Variants in HS6ST2 observed in about 807,000 individuals in gnomAD.
HS6ST2 encodes heparan sulfate 6-O-sulfotransferase 2, also known as heparan-sulfate 6-O-sulfotransferase 2.
In HS6ST2, 17 loss-of-function variants were observed where a neutral mutation model predicts 33.0. The ratio of observed to expected loss-of-function variants is 0.52; its 90% CI spans 0.35 to 0.77. The LOEUF is 0.77. Among genes scored for constraint, HS6ST2 ranks in the 30% least tolerant of loss-of-function variants. The pLI is 0.01. For synonymous variants in HS6ST2, 248 were observed against 237.1 expected (o/e 1.05, Z -0.42); for missense variants, 519 against 551.7 (o/e 0.94, Z 0.59).
intron 2 of HS6ST2, among the ~76,000 whole-genome samples, chrX:132,758,072 C>G (rs1371798773): frequency 1.8e-5 from 2 of 112,068 alleles, no homozygotes; most frequent in African/African-American, 3.2e-5. Context: ...TAATAAAACC[C>G]AAAGATGGGT....
intron 2 of HS6ST2, among the ~76,000 whole-genome samples, chrX:132,756,721 C>A (rs1266048399): frequency 9.0e-6 from 1 of 110,572 alleles, no homozygotes; most frequent in Non-Finnish European, 1.9e-5. Flanking sequence ...ACTGTGATCT[C>A]GCTTTCTTTA....
At chrX:132,749,790 G>T (rs186870354) in intron 2 of HS6ST2, among the ~76,000 whole-genome samples, 11 of 111,389 alleles carry the variant, frequency 9.9e-5, no homozygotes, top group Admixed American at 9.5e-5. Flanking sequence ...GCAGCCTGGT[G>T]GGGGGAGTGC....
At chrX:132,905,174 G>C (rs990158016) in intron 2 of HS6ST2, among the ~76,000 whole-genome samples, 1 of 111,455 alleles carries the variant, frequency 9.0e-6, no homozygotes, top group African/African-American at 3.3e-5. Flanking sequence ...CCAACTTGTG[G>C]TTGGTCTTGT....
At position 132,725,403 on chromosome X, in the gene HS6ST2, G is replaced by A. The variant is rs183039462; in HGVS notation, c.948-16909C>T. On this transcript the variant is annotated intron_variant, in intron 2 of 4. Transcript: ENST00000370833. Reference sequence around the variant, plus strand: ...AAAGAAGACATGCAAATGGCAAACAGGTATATGAAAAGGTGCTCAACATCA... The same window carrying A: ...AAAGAAGACATGCAAATGGCAAACAAGTATATGAAAAGGTGCTCAACATCA... Among the ~76,000 whole-genome samples the A allele has an allele frequency of 2.3e-4, 26 of 111,578 alleles. No homozygotes were observed. The South Asian group carries it at 4.8e-3, about 21-fold the overall frequency.
intron 3 of HS6ST2, among the ~76,000 whole-genome samples, chrX:132,706,661 C>CA (rs1303726192): frequency 8.9e-6 from 1 of 112,003 alleles, no homozygotes; most frequent in African/African-American, 3.2e-5. Context: ...CTCTGGATTA[C>CA]AAAAATCTAT....
chrX:132,700,825 T>A (rs989713863), intron 3 of HS6ST2, among the ~76,000 whole-genome samples: 7 of 110,823 alleles, frequency 6.3e-5, no homozygotes, highest in Admixed American at 4.8e-4. Context: ...ATCCTCTCTT[T>A]CTTCATTTTA....
At chrX:132,727,922 G>A (rs2064412163) in intron 2 of HS6ST2, among the ~76,000 whole-genome samples, 1 of 111,563 alleles carries the variant, frequency 9.0e-6, no homozygotes, top group African/African-American at 3.3e-5. Flanking sequence ...TTTCACTTAG[G>A]GCATCAAGTT....
chrX:132,789,822 A>G (rs1210400587), intron 2 of HS6ST2, among the ~76,000 whole-genome samples: 1 of 111,784 alleles, frequency 8.9e-6, no homozygotes, highest in Non-Finnish European at 1.9e-5. Context: ...TGGTGGAAAC[A>G]GCAAGAGAAC....
Position 132,627,249 on chromosome X carries a change from A to G in HS6ST2, c.*974T>C, listed in dbSNP as rs1420512137. 1 of 112,683 alleles carries G rather than the reference A, an allele frequency of 8.9e-6. No homozygotes were observed. The highest frequency in any genetic ancestry group is 3.2e-5 in the African/African-American group (1 of 30,944). The allele number at this position is 112,683 out of a possible 1,213,427, so 9.3% of individuals were successfully genotyped here. A position where few individuals can be genotyped will look rare whatever the true frequency, so the allele number is the denominator to read the frequency against. On this transcript the variant is annotated 3_prime_UTR_variant, in exon 5 of 5. Coordinates refer to ENST00000370833, the MANE Select transcript of HS6ST2 (RefSeq NM_001394073.1). Reference sequence around the variant, plus strand: ...AGTTTCTTGATTAGGACCTCACTACACAAATATTGATAAAATAATTCTATA... The same window carrying G: ...AGTTTCTTGATTAGGACCTCACTACGCAAATATTGATAAAATAATTCTATA...
chrX:132,638,573 T>C (rs1470715254), intron 4 of HS6ST2, among the ~76,000 whole-genome samples: 2 of 112,230 alleles, frequency 1.8e-5, no homozygotes, highest in South Asian at 3.7e-4. Context: ...GTGGGTTACA[T>C]AGAGCAGTGT....
chrX:132,681,403 T>C (rs1478193354), intron 3 of HS6ST2, among the ~76,000 whole-genome samples: 1 of 112,335 alleles, frequency 8.9e-6, no homozygotes. Context: ...TCCTGGTTTG[T>C]TTCCTTTATT....
chrX:132,657,570 C>G (rs2063740187), intron 4 of HS6ST2, among the ~76,000 whole-genome samples: 2 of 109,078 alleles, frequency 1.8e-5, no homozygotes, highest in African/African-American at 6.7e-5. Flanking sequence ...TGAAAACCAC[C>G]ATGAAGTATG....
At chrX:132,920,814 G>A (rs1403332881) in intron 2 of HS6ST2, among the ~76,000 whole-genome samples, 1 of 112,307 alleles carries the variant, frequency 8.9e-6, no homozygotes, top group Non-Finnish European at 1.9e-5. Flanking sequence ...TGCATGGGTT[G>A]GTCCCTACTA....
intron 2 of HS6ST2, among the ~76,000 whole-genome samples, chrX:132,727,519 T>G (rs140219977): frequency 9.0e-6 from 1 of 110,794 alleles, no homozygotes; most frequent in African/African-American, 3.3e-5. Flanking sequence ...TCTGGAAGAG[T>G]TCACGGCCCA....
intron 3 of HS6ST2, among the ~76,000 whole-genome samples, chrX:132,703,933 CA>C (rs894945673): frequency 3.5e-4 from 38 of 109,404 alleles, no homozygotes; most frequent in South Asian, 1.6e-3. Context: ...CTGCATATAA[CA>C]AAAAAAAATG....
chrX:132,889,319 A>G (rs2066283411), intron 2 of HS6ST2, among the ~76,000 whole-genome samples: 1 of 111,596 alleles, frequency 9.0e-6, no homozygotes, highest in Non-Finnish European at 1.9e-5. Context: ...CAAGAATGAT[A>G]TAAGATTATG....
At chrX:132,791,051 G>A (rs1265427795) in intron 2 of HS6ST2, among the ~76,000 whole-genome samples, 1 of 110,685 alleles carries the variant, frequency 9.0e-6, no homozygotes, top group Non-Finnish European at 1.9e-5. Context: ...GGAGGCTGAG[G>A]CAGGAGGATT....
intron 4 of HS6ST2, among the ~76,000 whole-genome samples, chrX:132,644,481 G>A (rs2063627048): frequency 9.0e-6 from 1 of 111,164 alleles, no homozygotes; most frequent in African/African-American, 3.3e-5. Context: ...CCAGAACCCA[G>A]GTTTCCTAAC....
intron 2 of HS6ST2, among the ~76,000 whole-genome samples, chrX:132,889,827 C>T: frequency 9.0e-6 from 1 of 111,317 alleles, no homozygotes; most frequent in African/African-American, 3.3e-5. Flanking sequence ...GCCCACATAG[C>T]CAAAGCAAGA....
Sources: gnomAD v4.1 joint callset for allele counts (sites outside exome capture counted in the v4.1 genomes callset) on GRCh38, gnomAD v4.1.1 for gene constraint, MANE v1.5 for transcripts, NCBI Gene and HGNC (gene_info 2026-07-23, HGNC 2026-07-21) for gene names.